IMMP1L: variants seen among roughly 807,000 people sequenced by gnomAD.
IMMP1L encodes inner mitochondrial membrane peptidase subunit 1.
In IMMP1L, 24 loss-of-function variants were observed where a neutral mutation model predicts 21.8. That is an observed-to-expected ratio of 1.10 (90% CI 0.80 to 1.55). IMMP1L has a LOEUF of 1.55. Among genes scored for constraint, IMMP1L ranks in the 40% most tolerant of loss-of-function variants. The pLI, the probability that IMMP1L is intolerant of heterozygous loss-of-function variation, is 0.00. For missense variants in IMMP1L, 195 were observed against 200.7 expected (o/e 0.97, Z 0.17); for synonymous variants, 46 against 62.8 (o/e 0.73, Z 1.26).
At chr11:31,452,231 G>C (rs1476260541) in intron 4 of IMMP1L, 2 of 984,670 alleles carry the variant, frequency 2.0e-6, no homozygotes, top group East Asian at 2.3e-4. Flanking sequence ...TTGTTGATAG[G>C]AATTTACCAT....
intron 1 of IMMP1L, among the ~76,000 whole-genome samples, chr11:31,495,457 G>A (rs2133806210): frequency 6.6e-6 from 1 of 152,264 alleles, no homozygotes; most frequent in Middle Eastern, 3.4e-3. Flanking sequence ...CCTCAGGCAT[G>A]CACAAAGAAC....
chr11:31,472,907 C>T (rs1378766033), intron 1 of IMMP1L, among the ~76,000 whole-genome samples: 1 of 152,102 alleles, frequency 6.6e-6, no homozygotes, highest in Admixed American at 6.5e-5. Flanking sequence ...GCTCTGTCGT[C>T]CAGGCTGGAG....
intron 1 of IMMP1L, among the ~76,000 whole-genome samples, chr11:31,503,624 G>C (rs971108507): frequency 1.3e-5 from 2 of 152,182 alleles, no homozygotes; most frequent in African/African-American, 4.8e-5. Context: ...GCTCATTCCA[G>C]TATGGCAAAG....
At chr11:31,492,326 A>C (rs988100563) in intron 1 of IMMP1L, among the ~76,000 whole-genome samples, 1 of 151,934 alleles carries the variant, frequency 6.6e-6, no homozygotes, top group Non-Finnish European at 1.5e-5. Context: ...CAGCTTCCTC[A>C]CCTCTCTCAG....
chr11:31,433,769 T>A (rs981676944), intron 4 of IMMP1L, 199 bp from the exon 5 acceptor site: 37 of 419,646 alleles, frequency 8.8e-5, no homozygotes, highest in African/African-American at 1.6e-4. Flanking sequence ...TCAACTTTTT[T>A]AAAAACCTAT....
rs923036135 is a variant in IMMP1L, at chr11:31,464,409, A to C, written c.-29-1104T>G. Among the ~76,000 whole-genome samples the C allele has an allele frequency of 2.0e-5, 3 of 152,124 alleles. No individual in the cohort carries two copies. In the East Asian group the frequency reaches 5.8e-4, roughly 29 times the overall value. On this transcript the variant is annotated intron_variant, in intron 1 of 5. Coordinates refer to ENST00000532287, the MANE Select transcript of IMMP1L (RefSeq NM_001304274.2). ...AATTCTTCTCAAACTATTCCAAAAA[A>C]CTGGAAATTGAGGGAATTCTTCCTA...
intron 4 of IMMP1L, among the ~76,000 whole-genome samples, chr11:31,438,848 T>C (rs1953215557): frequency 6.6e-6 from 1 of 152,196 alleles, no homozygotes; most frequent in Non-Finnish European, 1.5e-5. Context: ...GTCCACCTTT[T>C]CTTCAGGTAT....
intron 4 of IMMP1L, among the ~76,000 whole-genome samples, chr11:31,447,095 T>C (rs1053638498): frequency 3.9e-5 from 6 of 152,222 alleles, no homozygotes; most frequent in African/African-American, 1.4e-4. Flanking sequence ...CAAAGATGAC[T>C]ACCCTAACGT....
intron 4 of IMMP1L, among the ~76,000 whole-genome samples, chr11:31,440,187 T>C (rs186128897): frequency 2.2e-4 from 33 of 152,308 alleles, no homozygotes; most frequent in South Asian, 8.3e-4. Context: ...AAAACTGCTT[T>C]AAGACAGAAG....
intron 4 of IMMP1L, among the ~76,000 whole-genome samples, chr11:31,437,965 T>C (rs867760816): frequency 2.6e-5 from 4 of 152,196 alleles, no homozygotes; most frequent in African/African-American, 7.2e-5. Context: ...TAAACCACAA[T>C]GTTTATCTAT....
chr11:31,503,631 A>C (rs927164306), intron 1 of IMMP1L, among the ~76,000 whole-genome samples: 1 of 152,338 alleles, frequency 6.6e-6, no homozygotes, highest in Non-Finnish European at 1.5e-5. Flanking sequence ...CCAGTATGGC[A>C]AAGTAAGCTT....
At chr11:31,504,808 T>C (rs989264166) in intron 1 of IMMP1L, among the ~76,000 whole-genome samples, 1 of 152,190 alleles carries the variant, frequency 6.6e-6, no homozygotes, top group Non-Finnish European at 1.5e-5. Context: ...GTGGATCTAA[T>C]GGAATCTAAT....
At chr11:31,470,138 G>A (rs1440712484) in intron 1 of IMMP1L, among the ~76,000 whole-genome samples, 1 of 152,208 alleles carries the variant, frequency 6.6e-6, no homozygotes, top group Admixed American at 6.5e-5. Context: ...AAATGGGCTG[G>A]GTGCAGTGGC....
chr11:31,487,156 G>C (rs981399907), intron 1 of IMMP1L, among the ~76,000 whole-genome samples: 2 of 151,672 alleles, frequency 1.3e-5, no homozygotes, highest in Non-Finnish European at 3.0e-5. Flanking sequence ...ATTCCTTTCT[G>C]CTATCAACAA....
intron 1 of IMMP1L, among the ~76,000 whole-genome samples, chr11:31,471,746 G>A (rs917540826): frequency 1.5e-4 from 23 of 152,096 alleles, no homozygotes; most frequent in Admixed American, 1.0e-3. Flanking sequence ...AGCACAAAGC[G>A]AACTGGTAAA....
intron 1 of IMMP1L, among the ~76,000 whole-genome samples, chr11:31,485,910 G>C (rs942908861): frequency 6.6e-6 from 1 of 151,786 alleles, no homozygotes; most frequent in Non-Finnish European, 1.5e-5. Context: ...TTCTGTTTAA[G>C]AGAACAAAGA....
intron 1 of IMMP1L, among the ~76,000 whole-genome samples, chr11:31,495,835 G>A (rs1565011833): frequency 6.6e-6 from 1 of 151,958 alleles, no homozygotes; most frequent in Admixed American, 6.6e-5. Context: ...GAATGAAGTT[G>A]GACTTTTGTC....
At chr11:31,493,698 A>G (rs1027455406) in intron 1 of IMMP1L, among the ~76,000 whole-genome samples, 1 of 152,170 alleles carries the variant, frequency 6.6e-6, no homozygotes, top group Non-Finnish European at 1.5e-5. Context: ...ACAAAATCAA[A>G]AGTAAGTTAG....
chr11:31,445,547 T>C (rs1288352326), intron 4 of IMMP1L, among the ~76,000 whole-genome samples: 1 of 152,196 alleles, frequency 6.6e-6, no homozygotes, highest in African/African-American at 2.4e-5. Context: ...TTTTTGTACT[T>C]GATGTTACTG....
Sources: allele counts gnomAD v4.1 joint callset (sites outside exome capture counted in the v4.1 genomes callset), GRCh38; gene constraint gnomAD v4.1.1; transcripts MANE v1.5; gene names NCBI Gene and HGNC (gene_info 2026-07-23, HGNC 2026-07-21).